Variants in GSE1 observed in about 807,000 individuals in gnomAD.
GSE1 encodes Gse1 coiled-coil protein, also known as genetic suppressor element 1.
Under a neutral mutation model 112.6 loss-of-function variants are expected in GSE1, and 32 were observed. That is an observed-to-expected ratio of 0.28 (90% CI 0.21 to 0.38). The LOEUF is 0.38. Ranked by LOEUF, GSE1 falls within the 10% of genes least tolerant of loss-of-function variation. GSE1 has a pLI of 1.00. For synonymous variants in GSE1, 1,115 were observed against 735.6 expected, an observed-to-expected ratio of 1.52 and a Z score of -8.35; for missense variants, 2,348 against 1,699.2, an observed-to-expected ratio of 1.38 and a Z score of -6.71.
intron 1 of GSE1, among the ~76,000 whole-genome samples, chr16:85,177,733 C>G (rs2074496398): frequency 6.6e-6 from 1 of 152,122 alleles, no homozygotes; most frequent in Non-Finnish European, 1.5e-5. Flanking sequence ...CATCTTGGGG[C>G]CTGGTTTTAA....
intron 2 of GSE1, among the ~76,000 whole-genome samples, chr16:85,446,756 C>T (rs1343624350): frequency 2.0e-5 from 3 of 152,118 alleles, no homozygotes; most frequent in African/African-American, 4.8e-5. Flanking sequence ...CGGTAGCCTG[C>T]GTCCTGTTCC....
At chr16:85,271,547 C>G (rs889193469) in intron 1 of GSE1, among the ~76,000 whole-genome samples, 2 of 152,306 alleles carry the variant, frequency 1.3e-5, no homozygotes, top group Admixed American at 6.5e-5. Flanking sequence ...TGCCAAAGTG[C>G]GGGAGTGATA....
At chr16:85,576,938 GC>G (rs2046251137) in intron 1 of GSE1, among the ~76,000 whole-genome samples, 1 of 152,178 alleles carries the variant, frequency 6.6e-6, no homozygotes, top group Non-Finnish European at 1.5e-5. Context: ...GAGCAGGCAG[GC>G]CCTTCCCTGA....
rs991558887 is a variant in GSE1 at position 85,613,505 on chromosome 16, G to A, written c.7+107G>A. 2.0e-4 allele frequency: 208 copies of A among 1,044,534 alleles called. 1 individual carries two copies. The African/African-American group carries it at 3.1e-3, about 16-fold the overall frequency. The allele number at this position is 1,044,534 out of a possible 1,614,324, so 64.7% of individuals were successfully genotyped here. On this transcript the variant is annotated intron_variant, in intron 1 of 15. Transcript: ENST00000253458. ...GCGGGGGCGGCCGCCAACGGCTCCC[G>A]GGCAACTTCCCCGGAGTGTTAGCGG...
chr16:85,317,456 A>AC (rs1342755854), intron 1 of GSE1, among the ~76,000 whole-genome samples: 1 of 150,624 alleles, frequency 6.6e-6, no homozygotes, highest in African/African-American at 2.4e-5. Flanking sequence ...AGTGAGGACA[A>AC]CCCCCCTACG....
chr16:85,625,238 C>G (rs937143313), intron 1 of GSE1, among the ~76,000 whole-genome samples: 67 of 152,230 alleles, frequency 4.4e-4, no homozygotes, highest in African/African-American at 1.6e-3. Flanking sequence ...CTTCTCCGCA[C>G]ACACAGCAGC....
At chr16:85,393,983 G>A (rs1038714219) in intron 2 of GSE1, among the ~76,000 whole-genome samples, 3 of 152,188 alleles carry the variant, frequency 2.0e-5, no homozygotes, top group Non-Finnish European at 2.9e-5. Context: ...ACGGTGGAGC[G>A]CGCCCCTCTT....
chr16:85,305,665 G>A (rs944034769), intron 1 of GSE1, among the ~76,000 whole-genome samples: 2 of 151,736 alleles, frequency 1.3e-5, no homozygotes, highest in Admixed American at 6.6e-5. Flanking sequence ...TATTTTTAAC[G>A]GGGTTTCCCC....
chr16:85,518,649 A>G (rs1232228305), intron 2 of GSE1, among the ~76,000 whole-genome samples: 1 of 152,068 alleles, frequency 6.6e-6, no homozygotes, highest in African/African-American at 2.4e-5. Flanking sequence ...TCTTATGCAT[A>G]GGTGAGGTTC....
chr16:85,616,332 A>G (rs1461453412), intron 1 of GSE1, among the ~76,000 whole-genome samples: 2 of 152,238 alleles, frequency 1.3e-5, no homozygotes, highest in Non-Finnish European at 2.9e-5. Flanking sequence ...AAGAGTGCGG[A>G]TAAGCTAGAG....
At chr16:85,641,750 G>A (rs376815628) in intron 2 of GSE1, among the ~76,000 whole-genome samples, 6 of 152,244 alleles carry the variant, frequency 3.9e-5, no homozygotes, top group African/African-American at 4.8e-5. Context: ...TGCTATTCCC[G>A]TTCCACTGGG....
chr16:85,543,863 T>C (rs1374025563), intron 2 of GSE1, among the ~76,000 whole-genome samples: 2 of 152,176 alleles, frequency 1.3e-5, no homozygotes, highest in African/African-American at 4.8e-5. Flanking sequence ...TTTGAGACAG[T>C]ATCTTGCTCT....
At chr16:85,434,345 A>AATAATCATCATCATC (rs60129328) in intron 2 of GSE1, among the ~76,000 whole-genome samples, 3 of 143,460 alleles carry the variant, frequency 2.1e-5, no homozygotes, top group African/African-American at 7.6e-5. Flanking sequence ...TAATAATAAT[A>AATAATCATCATCATC]ATCAGTGCCG....
chr16:85,483,030 C>T (rs1228744398), intron 2 of GSE1, among the ~76,000 whole-genome samples: 1 of 151,682 alleles, frequency 6.6e-6, no homozygotes, highest in Non-Finnish European at 1.5e-5. Context: ...TGCGACGCTA[C>T]ATCTGGAAGA....
At chr16:85,173,313 T>G (rs1327719753) in intron 1 of GSE1, among the ~76,000 whole-genome samples, 1 of 152,226 alleles carries the variant, frequency 6.6e-6, no homozygotes, top group East Asian at 1.9e-4. Flanking sequence ...ATTCTGCCCT[T>G]TCTCTTGCTA....
At chr16:85,248,721 G>A (rs561724707) in intron 1 of GSE1, among the ~76,000 whole-genome samples, 2 of 152,326 alleles carry the variant, frequency 1.3e-5, no homozygotes, top group African/African-American at 4.8e-5. Context: ...GGAGGGGGGT[G>A]CTGGCTGGAG....
chr16:85,216,333 G>T (rs1316761770), intron 1 of GSE1, among the ~76,000 whole-genome samples: 1 of 152,188 alleles, frequency 6.6e-6, no homozygotes, highest in Admixed American at 6.5e-5. Context: ...GGGCCCAGGA[G>T]ATGGAGGCTG....
rs2051037934 is a variant in GSE1, at chr16:85,492,346, C to G, written c.2464+134703C>G. 2.0e-5 allele frequency among the ~76,000 whole-genome samples: 3 copies of G among 152,156 alleles called. No homozygotes were observed. The South Asian group carries it at 6.2e-4, about 32-fold the overall frequency. ...TTCTGTCCCCGCCAGCAGGCCCCAT[C>G]CCTGTTTGAGTCCCCCTCTCAAATC... On this transcript the variant is annotated intron_variant, in intron 2 of 2. Transcript: ENST00000637419.
intron 2 of GSE1, among the ~76,000 whole-genome samples, chr16:85,423,944 A>G (rs2048910047): frequency 6.6e-6 from 1 of 152,104 alleles, no homozygotes; most frequent in Non-Finnish European, 1.5e-5. Flanking sequence ...CACCTGAAGG[A>G]GTGACGTGAG....
Sources: allele counts gnomAD v4.1 joint callset (sites outside exome capture counted in the v4.1 genomes callset), GRCh38; gene constraint gnomAD v4.1.1; transcripts MANE v1.5; gene names NCBI Gene and HGNC (gene_info 2026-07-23, HGNC 2026-07-21).